Variants in PHACTR1 observed in about 807,000 individuals in gnomAD.
PHACTR1 encodes the protein RPEL repeat containing 1.
Under a neutral mutation model 69.2 loss-of-function variants are expected in PHACTR1, and 16 were observed. The observed-to-expected ratio is 0.23, with a 90% CI of 0.16 to 0.35. The LOEUF is 0.35. Among genes scored for constraint, PHACTR1 ranks in the 10% least tolerant of loss-of-function variants. The pLI, the probability that PHACTR1 is intolerant of heterozygous loss-of-function variation, is 1.00. For synonymous variants in PHACTR1, 312 were observed against 284.5 expected (o/e 1.10, Z -0.97); for missense variants, 510 against 734.7 (o/e 0.69, Z 3.54).
intron 4 of PHACTR1, among the ~76,000 whole-genome samples, chr6:12,965,891 A>G (rs1237576023): frequency 2.6e-5 from 4 of 152,220 alleles, no homozygotes; most frequent in Non-Finnish European, 4.4e-5. Flanking sequence ...GGCTTGGAGA[A>G]ATAAGAAACT....
At chr6:12,773,706 T>A (rs942733143) in intron 4 of PHACTR1, among the ~76,000 whole-genome samples, 3 of 152,262 alleles carry the variant, frequency 2.0e-5, no homozygotes, top group East Asian at 1.9e-4. Context: ...TAAAAAAAAA[T>A]TTAAAACCAC....
rs541447656 is a variant in PHACTR1 at position 13,002,646 on chromosome 6, C to T, written c.251-50719C>T. On this transcript the variant is annotated intron_variant, in intron 4 of 14. Coordinates refer to ENST00000332995, the MANE Select transcript of PHACTR1 (RefSeq NM_030948.6). ...CAAACTTGGCTGTACCAATGCCTGC[C>T]TCGAGAGTCAACTCTAAATGAATGT... 5.9e-5 allele frequency among the ~76,000 whole-genome samples: 9 copies of T among 152,298 alleles called. No individual in the cohort carries two copies. In the South Asian group the frequency reaches 1.2e-3, roughly 21 times the overall value.
chr6:13,232,174 G>A (rs1353789298), intron 10 of PHACTR1, among the ~76,000 whole-genome samples: 1 of 152,212 alleles, frequency 6.6e-6, no homozygotes, highest in Non-Finnish European at 1.5e-5. Flanking sequence ...CAAGCAATCA[G>A]TTACCTGTTT....
chr6:13,183,258 T>C (rs1030874333), intron 7 of PHACTR1, among the ~76,000 whole-genome samples: 26 of 152,328 alleles, frequency 1.7e-4, no homozygotes, highest in African/African-American at 6.0e-4. Flanking sequence ...ATACTCATCC[T>C]CTCAGAAGGT....
At chr6:13,062,351 G>T (rs2127753983) in intron 5 of PHACTR1, among the ~76,000 whole-genome samples, 1 of 152,152 alleles carries the variant, frequency 6.6e-6, no homozygotes, top group South Asian at 2.1e-4. Context: ...CTTAACCCTG[G>T]GCTGTTAGCC....
chr6:12,787,625 T>G (rs1215532411), intron 4 of PHACTR1, among the ~76,000 whole-genome samples: 1 of 152,314 alleles, frequency 6.6e-6, no homozygotes, highest in South Asian at 2.1e-4. Flanking sequence ...TGATTTGCAG[T>G]TGAGCTCCTG....
At chr6:12,844,536 C>T (rs1170879175) in intron 4 of PHACTR1, among the ~76,000 whole-genome samples, 12 of 152,058 alleles carry the variant, frequency 7.9e-5, no homozygotes, top group Non-Finnish European at 1.6e-4. Flanking sequence ...AAGTTCTATG[C>T]GTACAGGACA....
chr6:12,723,876 G>A (rs541378104), intron 3 of PHACTR1, among the ~76,000 whole-genome samples: 2 of 152,266 alleles, frequency 1.3e-5, no homozygotes, highest in South Asian at 4.2e-4. Context: ...CTGCCCCCAC[G>A]AGATTCAAAT....
At chr6:12,909,367 A>C (rs189641671) in intron 4 of PHACTR1, among the ~76,000 whole-genome samples, 2 of 152,338 alleles carry the variant, frequency 1.3e-5, no homozygotes, top group East Asian at 3.9e-4. Context: ...ATTAATTCAC[A>C]GTTCCAGGCT....
At chr6:12,944,837 C>T (rs1582627684) in intron 4 of PHACTR1, among the ~76,000 whole-genome samples, 2 of 150,730 alleles carry the variant, frequency 1.3e-5, no homozygotes, top group Non-Finnish European at 1.5e-5. Flanking sequence ...GGCTGGAATG[C>T]AGTGGCGCGA....
intron 4 of PHACTR1, among the ~76,000 whole-genome samples, chr6:12,860,233 G>A (rs2127423746): frequency 6.6e-6 from 1 of 152,108 alleles, no homozygotes; most frequent in Non-Finnish European, 1.5e-5. Flanking sequence ...TGCCACTTAT[G>A]AACATTTATG....
At chr6:12,978,968 A>C (rs1381149321) in intron 4 of PHACTR1, among the ~76,000 whole-genome samples, 2 of 152,178 alleles carry the variant, frequency 1.3e-5, no homozygotes, top group Non-Finnish European at 2.9e-5. Flanking sequence ...AGGAATAAGA[A>C]AGGGCAGCTG....
chr6:13,076,639 T>C (rs1284896834), intron 5 of PHACTR1, among the ~76,000 whole-genome samples: 1 of 151,664 alleles, frequency 6.6e-6, no homozygotes, highest in Non-Finnish European at 1.5e-5. Context: ...GAGACTTGAG[T>C]GTGGCCCAGT....
chr6:12,820,231 G>A (rs1265676159), intron 4 of PHACTR1, among the ~76,000 whole-genome samples: 1 of 152,156 alleles, frequency 6.6e-6, no homozygotes, highest in Non-Finnish European at 1.5e-5. Context: ...GCCAAGGCTG[G>A]AGTGCGGTGG....
At chr6:12,908,216 C>G (rs901728935) in intron 4 of PHACTR1, among the ~76,000 whole-genome samples, 1 of 152,180 alleles carries the variant, frequency 6.6e-6, no homozygotes, top group Admixed American at 6.5e-5. Context: ...ATAGGACAAC[C>G]CTTCAAATTC....
intron 5 of PHACTR1, among the ~76,000 whole-genome samples, chr6:13,125,052 G>T (rs527890479): frequency 6.6e-6 from 1 of 152,284 alleles, no homozygotes; most frequent in South Asian, 2.1e-4. Context: ...GGGCATAGAG[G>T]CATGAATCCA....
chr6:12,922,103 G>A (rs1030670707), intron 4 of PHACTR1, among the ~76,000 whole-genome samples: 7 of 152,246 alleles, frequency 4.6e-5, no homozygotes, highest in Admixed American at 3.9e-4. Context: ...ACTTTTATAA[G>A]GAATACCCCA....
chr6:13,286,970 G>A (rs990330535), intron 14 of PHACTR1, 93 bp from the exon 15 acceptor site: 20 of 1,393,698 alleles, frequency 1.4e-5, no homozygotes, highest in African/African-American at 1.1e-4. Flanking sequence ...TCCCTCTCAC[G>A]GTCAAGAACC....
At chr6:13,041,523 G>C (rs894005195) in intron 4 of PHACTR1, among the ~76,000 whole-genome samples, 1 of 152,124 alleles carries the variant, frequency 6.6e-6, no homozygotes, top group Non-Finnish European at 1.5e-5. Flanking sequence ...GCTACATAAG[G>C]AAACAGGGTA....
Sources: allele counts gnomAD v4.1 joint callset (sites outside exome capture counted in the v4.1 genomes callset), GRCh38; gene constraint gnomAD v4.1.1; transcripts MANE v1.5; gene names NCBI Gene and HGNC (gene_info 2026-07-23, HGNC 2026-07-21).